PPFIA4: variants seen among roughly 807,000 people sequenced by gnomAD.
PPFIA4 encodes liprin-alpha-4.
PPFIA4 carries 98 observed loss-of-function variants against 145.7 expected under a neutral mutation model. That is an observed-to-expected ratio of 0.67 (90% CI 0.57 to 0.80). The LOEUF is 0.80. Among genes scored for constraint, PPFIA4 ranks in the 30% least tolerant of loss-of-function variants. The pLI is 0.00. For synonymous variants in PPFIA4, 628 were observed against 649.6 expected (o/e 0.97, Z 0.51); for missense variants, 1,457 against 1,632.7 (o/e 0.89, Z 1.85).
chr1:203,041,796 C>T (rs1659713262), intron 2 of PPFIA4, among the ~76,000 whole-genome samples: 1 of 152,078 alleles, frequency 6.6e-6, no homozygotes, highest in Non-Finnish European at 1.5e-5. Context: ...AGCCCTGTCT[C>T]TGGTTACAAG....
intron 9 of PPFIA4, among the ~76,000 whole-genome samples, chr1:203,046,968 G>T (rs756234477): frequency 2.6e-5 from 4 of 152,192 alleles, no homozygotes; most frequent in Non-Finnish European, 5.9e-5. Flanking sequence ...AGGTGTGCTG[G>T]CTGAAAACAT....
chr1:203,075,953 GCCGACTTCTC>G lies in PPFIA4; in HGVS notation c.3574+199_3574+208del. The G allele has an allele frequency of 1.6e-6, 1 of 610,772 alleles. No individual in the cohort carries two copies. The highest frequency in any genetic ancestry group is 3.3e-5 in the East Asian group (1 of 30,554). 37.8% of individuals were successfully genotyped at this position (610,772 alleles called of 1,614,324 possible). The stretch of plus-strand genomic sequence containing the variant: ...CCGCTCTGTGTGTTCTCCCGCGGCT[GCCGACTTCTC>G]CCAGCTGGGACGGCGGGGTCGCAGA... On this transcript the variant is annotated intron_variant, in intron 29 of 29. Coordinates refer to ENST00000295706, the MANE Select transcript of PPFIA4 (RefSeq NM_001304331.2). This position sits in a 1 kb window ranked among gnomAD's most constrained non-coding sequence, Gnocchi z 4.1.
chr1:203,044,470 C>T lies in PPFIA4; in HGVS notation c.576+17C>T. 1 of 1,548,184 alleles carries T rather than the reference C, an allele frequency of 6.5e-7. No individual in the cohort carries two copies. Among genetic ancestry groups the T allele is most frequent in the Non-Finnish European group, 8.7e-7 (1 of 1,144,876 alleles). On this transcript the variant is annotated intron_variant, in intron 5 of 29. Coordinates refer to ENST00000295706, the MANE Select transcript of PPFIA4 (RefSeq NM_001304331.2). ...CACCAGCAGGTAATCTGCCTGCTCACCCTCAGTCTGCAGCTCCTGGAAGTC... is the reference window on the plus strand; with the variant it reads ...CACCAGCAGGTAATCTGCCTGCTCATCCTCAGTCTGCAGCTCCTGGAAGTC...
chr1:203,035,289 G>GTCCAGCTCTC (rs1321974033), intron 1 of PPFIA4: 3 of 456,726 alleles, frequency 6.6e-6, no homozygotes, highest in African/African-American at 6.0e-5. Flanking sequence ...CCTTGCCTTT[G>GTCCAGCTCTC]TCCAGCTCTC....
At position 203,056,961 on chromosome 1, in the gene PPFIA4, C is replaced by A. The variant is rs560388353; in HGVS notation, c.2407+11C>A. On this transcript the variant is annotated intron_variant, in intron 19 of 29. Coordinates refer to ENST00000295706, the MANE Select transcript of PPFIA4 (RefSeq NM_001304331.2). The stretch of plus-strand genomic sequence containing the variant: ...GAGCCACAGGCCATGGTCTCTGTCC[C>A]CTTCCTAACGGAGGTCTGGGCGGGC... 7 of 1,613,470 alleles carry A rather than the reference C, an allele frequency of 4.3e-6. No individual in the cohort carries two copies. In the African/African-American group the frequency reaches 5.3e-5, roughly 12 times the overall value.
chr1:203,046,378 C>T lies in PPFIA4; in HGVS notation c.1136C>T (p.Thr379Ile). 2 of 1,586,742 alleles carry T rather than the reference C, an allele frequency of 1.3e-6. No homozygotes were observed. Among genetic ancestry groups the T allele is most frequent in the Non-Finnish European group, 8.6e-7 (1 of 1,167,748 alleles). ...CTGGCCCAGAGAATTGCAGCCCTCA[C>T]CAAGGCAAGTGGGCCAGGGGCCTGG... Reference protein sequence around the residue: ...AELAQRIAALTKAEERHGNIE... With the variant: ...AELAQRIAALIKAEERHGNIE... The change falls in exon 9 of 30, where the codon ACC (threonine) becomes ATC (isoleucine). Residue 379 changes from threonine (T) to isoleucine (I), a missense_variant. Thr to Ile is a moderately conservative substitution (Grantham distance 89). This residue lies in a region of PPFIA4 where 848 missense variants were observed against 1,046.7 expected (regional missense o/e 0.81). Transcript: ENST00000295706.
intron 19 of PPFIA4, 108 bp downstream of exon 19, chr1:203,057,058 G>A: frequency 1.9e-6 from 3 of 1,549,176 alleles, no homozygotes; most frequent in Non-Finnish European, 2.6e-6. Flanking sequence ...ACCAGTTGGG[G>A]GAAGCCCCAG....
rs771180924 is a variant in PPFIA4 at position 203,039,051 on chromosome 1, G to A, written c.43G>A (p.Gly15Ser). Residue 15 changes from glycine to serine, a missense_variant, in exon 2 of 30, where the codon GGT (glycine) becomes AGT (serine). Gly to Ser is a moderately conservative substitution (Grantham distance 56). Coordinates refer to ENST00000295706, the MANE Select transcript of PPFIA4 (RefSeq NM_001304331.2). ...MPTINEGDRL[G>S]PPHGADADAN... The stretch of plus-strand genomic sequence containing the variant: ...CACAATCAATGAGGGGGACCGCCTG[G>A]GTCCCCCTCATGGCGCCGATGCTGA... The A allele has an allele frequency of 3.8e-6, 6 of 1,596,648 alleles. No individual in the cohort carries two copies. The highest frequency in any genetic ancestry group is 2.7e-5 in the African/African-American group (2 of 74,460).
At chr1:203,039,743 AC>A (rs1405571736) in intron 2 of PPFIA4, among the ~76,000 whole-genome samples, 5 of 152,220 alleles carry the variant, frequency 3.3e-5, no homozygotes, top group African/African-American at 1.2e-4. Context: ...CAACAGCACA[AC>A]CACCAGCTGT....
chr1:203,054,249 A>G, intron 15 of PPFIA4: 1 of 627,090 alleles, frequency 1.6e-6, no homozygotes. Context: ...TTAACCACTA[A>G]GAGTGTAGCT....
At chr1:203,061,971 G>A (rs1221851187) in intron 24 of PPFIA4, among the ~76,000 whole-genome samples, 1 of 152,126 alleles carries the variant, frequency 6.6e-6, no homozygotes, top group Non-Finnish European at 1.5e-5. Context: ...ATTAGTATGA[G>A]TCTTCTTCCT....
In PPFIA4 at chr1:203,055,758, C is replaced by T; in HGVS notation, c.2070+86C>T. The T allele has an allele frequency of 6.4e-7, 1 of 1,568,010 alleles. No individual in the cohort carries two copies. The highest frequency in any genetic ancestry group is 8.7e-7 in the Non-Finnish European group (1 of 1,151,970). On this transcript the variant is annotated intron_variant, in intron 16 of 29. Transcript: ENST00000295706. The surrounding 1 kb of genome is among the most constrained non-coding windows in gnomAD (Gnocchi z 4.8). ...AGGGATGGTAGGACTCACGTGCTCT[C>T]AGCTGGGCCTGCCATCTTCTTCCCA...
At chr1:203,053,489 C>T (rs530561496) in intron 14 of PPFIA4, among the ~76,000 whole-genome samples, 109 of 149,982 alleles carry the variant, frequency 7.3e-4, no homozygotes, top group Admixed American at 5.0e-3. Context: ...GCCGAGATCA[C>T]GCCACTGCCC....
chr1:203,052,681 G>A (rs979016274), intron 14 of PPFIA4, among the ~76,000 whole-genome samples: 8 of 152,294 alleles, frequency 5.3e-5, no homozygotes, highest in Admixed American at 5.2e-4. Context: ...GAGCCTGAAG[G>A]GGAGCTAGGG....
chr1:203,054,245 A>G, intron 15 of PPFIA4: 2 of 630,112 alleles, frequency 3.2e-6, no homozygotes, highest in Non-Finnish European at 5.7e-6. Context: ...GATCTTAACC[A>G]CTAAGAGTGT....
At position 203,078,579 on chromosome 1, in the gene PPFIA4, T is replaced by A. The variant is rs1662688414; in HGVS notation, c.*2189T>A. On this transcript the variant is annotated 3_prime_UTR_variant, in exon 30 of 30. Transcript: ENST00000295706. ...TATTTTTTTTTTGGCGAGTCACCAG[T>A]GACCCGAGCCCTCCACACCAGCCTC... 2 of 152,270 alleles carry A rather than the reference T, an allele frequency of 1.3e-5. No individual in the cohort carries two copies. Among genetic ancestry groups the A allele is most frequent in the South Asian group, 4.2e-4 (2 of 4,800 alleles). The allele number at this position is 152,270 out of a possible 1,614,324, so 9.4% of individuals were successfully genotyped here.
In PPFIA4 at chr1:203,026,508, C is replaced by T. The variant is rs1284639253; in HGVS notation, c.-521C>T. On this transcript the variant is annotated 5_prime_UTR_variant, in exon 1 of 30. Transcript: ENST00000295706. ...GGGGCCCCGCGGCCGCGCGCTTGGG[C>T]GGCGGAGGCTGCAGCTACCTCGGCG... 2.6e-5 allele frequency: 4 copies of T among 152,226 alleles called. No homozygotes were observed. The East Asian group carries it at 7.7e-4, about 29-fold the overall frequency. 9.4% of individuals were successfully genotyped at this position (152,226 alleles called of 1,614,324 possible). A position where few individuals can be genotyped will look rare whatever the true frequency, so the allele number is the denominator to read the frequency against.
chr1:203,053,366 C>A (rs920902089), intron 14 of PPFIA4, among the ~76,000 whole-genome samples: 1 of 151,994 alleles, frequency 6.6e-6, no homozygotes, highest in African/African-American at 2.4e-5. Flanking sequence ...AACCCCGTCT[C>A]TACTAAAATA....
At chr1:203,064,369 G>C (rs1010852920) in intron 25 of PPFIA4, among the ~76,000 whole-genome samples, 2 of 152,218 alleles carry the variant, frequency 1.3e-5, no homozygotes, top group Admixed American at 1.3e-4. Flanking sequence ...GACTCAAACT[G>C]AACCTGGTGT....
Sources: gnomAD v4.1 joint callset for allele counts (sites outside exome capture counted in the v4.1 genomes callset) on GRCh38, gnomAD v4.1.1 for gene constraint, gnomAD v4.1.1 regional missense constraint, Gnocchi (gnomAD v3.1) non-coding constraint, MANE v1.5 for transcripts, NCBI Gene and HGNC (gene_info 2026-07-23, HGNC 2026-07-21) for gene names.